The following CC2D2B variants were observed in gnomAD, a reference collection of about 807,000 sequenced individuals.
CC2D2B encodes coiled-coil and C2 domain containing 2B.
A neutral mutation model predicts 161.2 loss-of-function variants in CC2D2B; 128 were observed. The observed-to-expected ratio is 0.79, with a 90% CI of 0.69 to 0.92. The LOEUF (loss-of-function observed/expected upper bound fraction) is 0.92. CC2D2B is among the 40% of genes least tolerant of loss of function. The pLI, the probability that CC2D2B is intolerant of heterozygous loss-of-function variation, is 0.00. For synonymous variants in CC2D2B, 391 were observed against 449.8 expected, an observed-to-expected ratio of 0.87 and a Z score of 1.65; for missense variants, 1,173 against 1,375.1, an observed-to-expected ratio of 0.85 and a Z score of 2.32.
rs549688996 is a variant in CC2D2B at position 96,015,116 on chromosome 10, G to A, written c.3517-1085G>A. Among the ~76,000 whole-genome samples the A allele has an allele frequency of 4.6e-5, 7 of 151,782 alleles. No homozygotes were observed. The South Asian group carries it at 1.3e-3, about 27-fold the overall frequency. On this transcript the variant is annotated intron_variant, in intron 29 of 34. Transcript: ENST00000646931. Reference sequence around the variant, plus strand: ...AGTCTCGCTCTGTCGCCAGGCTGGAGTGCAGTGGCACGATCTCGACTCACT... The same window carrying A: ...AGTCTCGCTCTGTCGCCAGGCTGGAATGCAGTGGCACGATCTCGACTCACT...
intron 6 of CC2D2B, among the ~76,000 whole-genome samples, chr10:95,936,724 A>T (rs1445548057): frequency 3.3e-5 from 5 of 152,270 alleles, no homozygotes; most frequent in Non-Finnish European, 1.5e-5. Flanking sequence ...TCTCAAGCTA[A>T]AAATATAGGC....
intron 34 of CC2D2B, 34 bp from the exon 35 acceptor site, chr10:96,031,786 T>C: frequency 1.3e-6 from 2 of 1,556,946 alleles, no homozygotes; most frequent in Non-Finnish European, 1.8e-6. Flanking sequence ...CCAGTTGTAA[T>C]GTGGGTTTAT....
intron 23 of CC2D2B, 25 bp downstream of exon 23, chr10:95,995,390 G>A: frequency 9.2e-7 from 1 of 1,081,258 alleles, no homozygotes; most frequent in Non-Finnish European, 1.3e-6. Flanking sequence ...CTTCTATAAA[G>A]TATAATATTG....
At chr10:95,958,922 G>A (rs1301059089) in intron 11 of CC2D2B, among the ~76,000 whole-genome samples, 4 of 152,214 alleles carry the variant, frequency 2.6e-5, no homozygotes, top group East Asian at 1.9e-4. Flanking sequence ...ACACTCAAAA[G>A]TTGGATAAAA....
chr10:95,996,331 A>G, intron 24 of CC2D2B, 79 bp downstream of exon 24: 1 of 664,040 alleles, frequency 1.5e-6, no homozygotes, highest in Non-Finnish European at 2.5e-6. Context: ...CTTATTGAAA[A>G]TAATTATTGA....
intron 12 of CC2D2B, among the ~76,000 whole-genome samples, 166 bp downstream of exon 12, chr10:95,962,135 C>CAT (rs1295530697): frequency 6.8e-6 from 1 of 148,056 alleles, no homozygotes; most frequent in Non-Finnish European, 1.5e-5. Context: ...TATATATATG[C>CAT]ATATATATGT....
At chr10:95,999,972 C>G (rs1158065381) in intron 24 of CC2D2B, 7 of 735,458 alleles carry the variant, frequency 9.5e-6, no homozygotes, top group African/African-American at 9.0e-5. Context: ...CTTATGTGCT[C>G]AATACACACA....
intron 6 of CC2D2B, among the ~76,000 whole-genome samples, chr10:95,930,285 G>C (rs1376471316): frequency 6.6e-6 from 1 of 152,186 alleles, no homozygotes; most frequent in Non-Finnish European, 1.5e-5. Flanking sequence ...TCAGCTTAAG[G>C]AGGTTTTGGG....
intron 6 of CC2D2B, among the ~76,000 whole-genome samples, chr10:95,935,614 T>A (rs1010313910): frequency 3.3e-5 from 5 of 152,120 alleles, no homozygotes; most frequent in Admixed American, 6.5e-5. Flanking sequence ...CTCTCCTCTC[T>A]GTCATCTAAC....
At chr10:96,018,966 A>AT (rs1383430467) in intron 30 of CC2D2B, 57 of 331,604 alleles carry the variant, frequency 1.7e-4, no homozygotes, top group African/African-American at 1.0e-3. Context: ...TGCCCAGCAA[A>AT]TTAAAAAAAA....
chr10:95,924,880 A>G, intron 5 of CC2D2B, 36 bp downstream of exon 5: 1 of 1,315,674 alleles, frequency 7.6e-7, no homozygotes, highest in Non-Finnish European at 1.1e-6. Flanking sequence ...TTTTTAAAAC[A>G]GCTTTATGGA....
chr10:96,032,331 A>T lies in CC2D2B; in HGVS notation c.*323A>T, dbSNP rs2080093593. ...TCTTCTCCTAAGACCAATGTTTCTC[A>T]AATTGTAGAATTCACACCACCTCCA... On this transcript the variant is annotated 3_prime_UTR_variant, in exon 35 of 35. Transcript: ENST00000646931. 1.7e-5 allele frequency: 4 copies of T among 236,600 alleles called. No homozygotes were observed. The highest frequency in any genetic ancestry group is 2.5e-5 in the Non-Finnish European group (3 of 120,174). The allele number at this position is 236,600 out of a possible 1,614,324, so 14.7% of individuals were successfully genotyped here.
chr10:96,015,157 C>G (rs1014711510), intron 29 of CC2D2B, among the ~76,000 whole-genome samples: 1 of 151,632 alleles, frequency 6.6e-6, no homozygotes, highest in Admixed American at 6.6e-5. Context: ...CTCTAACTCC[C>G]TAGTTCAAGC....
intron 34 of CC2D2B, among the ~76,000 whole-genome samples, chr10:96,030,815 A>G (rs1268232771): frequency 6.6e-6 from 1 of 152,188 alleles, no homozygotes; most frequent in Non-Finnish European, 1.5e-5. Context: ...CAAGGTTTAA[A>G]ATGTGGAGTA....
At chr10:95,914,400 G>A (rs1402237689) in intron 2 of CC2D2B, among the ~76,000 whole-genome samples, 1 of 152,238 alleles carries the variant, frequency 6.6e-6, no homozygotes, top group African/African-American at 2.4e-5. Context: ...ACAATTTGAA[G>A]TCAGTGGTAT....
At chr10:96,019,952 A>G in intron 32 of CC2D2B, 128 bp downstream of exon 32, 1 of 877,788 alleles carries the variant, frequency 1.1e-6, no homozygotes, top group South Asian at 2.1e-5. Flanking sequence ...TATTAATTTA[A>G]AAACTAGTTT....
intron 2 of CC2D2B, chr10:95,913,322 C>T (rs2098509953): frequency 3.9e-6 from 1 of 254,848 alleles, no homozygotes; most frequent in Non-Finnish European, 7.9e-6. Flanking sequence ...AATAGTACTC[C>T]ATTGCATATA....
At chr10:95,967,440 G>C (rs909381413) in intron 14 of CC2D2B, among the ~76,000 whole-genome samples, 1 of 151,384 alleles carries the variant, frequency 6.6e-6, no homozygotes, top group African/African-American at 2.4e-5. Context: ...CAAAGCCATT[G>C]CCATCCGATA....
chr10:96,008,168 CTTT>C (rs56354333), intron 25 of CC2D2B, among the ~76,000 whole-genome samples: 1 of 130,384 alleles, frequency 7.7e-6, no homozygotes, highest in Non-Finnish European at 1.6e-5. Context: ...GGTATGTGTT[CTTT>C]TTTTTTTTTT....
Sources: allele counts gnomAD v4.1 joint callset (sites outside exome capture counted in the v4.1 genomes callset), GRCh38; gene constraint gnomAD v4.1.1; transcripts MANE v1.5; gene names NCBI Gene and HGNC (gene_info 2026-07-23, HGNC 2026-07-21).